ANKS1B: variants seen among roughly 807,000 people sequenced by gnomAD.
The protein encoded by ANKS1B is ankyrin repeat and sterile alpha motif domain containing 1B.
A neutral mutation model predicts 148.3 loss-of-function variants in ANKS1B; 36 were observed. The ratio of observed to expected loss-of-function variants is 0.24; its 90% CI spans 0.19 to 0.32. ANKS1B has a LOEUF of 0.32. Ranked by LOEUF, ANKS1B falls within the 10% of genes least tolerant of loss-of-function variation. ANKS1B has a pLI of 1.00. For missense variants in ANKS1B, 1,157 were observed against 1,542.6 expected, an observed-to-expected ratio of 0.75 and a Z score of 4.19; for synonymous variants, 542 against 560.8, an observed-to-expected ratio of 0.97 and a Z score of 0.47.
chr12:99,926,501 T>C (rs1396940139), intron 1 of ANKS1B, among the ~76,000 whole-genome samples: 4 of 152,230 alleles, frequency 2.6e-5, no homozygotes, highest in Non-Finnish European at 4.4e-5. Context: ...AGTTTTTTCC[T>C]GCCTTCTGAC....
At chr12:99,873,168 T>C (rs1455530832) in intron 1 of ANKS1B, among the ~76,000 whole-genome samples, 1 of 152,160 alleles carries the variant, frequency 6.6e-6, no homozygotes, top group East Asian at 1.9e-4. Context: ...ATTATTATTA[T>C]CACCATCATT....
chr12:99,760,740 A>T (rs2062011776), intron 8 of ANKS1B, among the ~76,000 whole-genome samples: 1 of 151,694 alleles, frequency 6.6e-6, no homozygotes, highest in East Asian at 1.9e-4. Context: ...TCATACAAAA[A>T]AATCTATAAA....
intron 17 of ANKS1B, among the ~76,000 whole-genome samples, chr12:98,895,934 T>G (rs2099764041): frequency 6.6e-6 from 1 of 152,218 alleles, no homozygotes; most frequent in Admixed American, 6.5e-5. Context: ...TACAGGCTGC[T>G]TAATACCACA....
chr12:99,386,250 C>A (rs923879255), intron 12 of ANKS1B: 1 of 152,160 alleles, frequency 6.6e-6, no homozygotes, highest in African/African-American at 2.4e-5. Flanking sequence ...AACTATGCTA[C>A]GGAAAACTCA....
At chr12:99,964,324 A>C (rs2095457547) in intron 1 of ANKS1B, among the ~76,000 whole-genome samples, 1 of 152,224 alleles carries the variant, frequency 6.6e-6, no homozygotes, top group Non-Finnish European at 1.5e-5. Context: ...CTGACTTTGA[A>C]AGAGATATTA....
At chr12:99,168,187 G>A (rs977506174) in intron 14 of ANKS1B, among the ~76,000 whole-genome samples, 25 of 152,256 alleles carry the variant, frequency 1.6e-4, no homozygotes, top group African/African-American at 2.6e-4. Context: ...AATATATGCC[G>A]TTTGTTGTAG....
chr12:99,903,748 AG>A (rs113265979), intron 1 of ANKS1B, among the ~76,000 whole-genome samples: 2 of 151,594 alleles, frequency 1.3e-5, no homozygotes, highest in African/African-American at 4.9e-5. Flanking sequence ...GAAAAATGGG[AG>A]GGGGGGAGAG....
intron 12 of ANKS1B, among the ~76,000 whole-genome samples, chr12:99,370,456 T>C (rs919850903): frequency 3.9e-5 from 6 of 152,090 alleles, no homozygotes; most frequent in Non-Finnish European, 8.8e-5. Flanking sequence ...AGAAAGCAGC[T>C]AGAAACCCAA....
intron 12 of ANKS1B, among the ~76,000 whole-genome samples, chr12:99,339,108 A>G (rs1363287635): frequency 6.6e-6 from 1 of 152,140 alleles, no homozygotes; most frequent in Non-Finnish European, 1.5e-5. Flanking sequence ...CCCAGGAATT[A>G]CAGTCCTTGT....
chr12:99,440,957 GAACA>G (rs2095540510), intron 11 of ANKS1B, among the ~76,000 whole-genome samples: 1 of 151,810 alleles, frequency 6.6e-6, no homozygotes, highest in Non-Finnish European at 1.5e-5. Flanking sequence ...ATAAAAGACT[GAACA>G]CATCAGCTAA....
chr12:99,289,579 C>T (rs919643977), intron 12 of ANKS1B, among the ~76,000 whole-genome samples: 1 of 151,876 alleles, frequency 6.6e-6, no homozygotes, highest in Non-Finnish European at 1.5e-5. Context: ...TCTTCTCTGA[C>T]CACAATGGAA....
rs923561135 is a variant in ANKS1B, at chr12:99,946,287, A to G, written c.134+37817T>C. 7.2e-5 allele frequency among the ~76,000 whole-genome samples: 11 copies of G among 152,164 alleles called. No individual in the cohort carries two copies. The East Asian group carries it at 2.1e-3, about 29-fold the overall frequency. The stretch of plus-strand genomic sequence containing the variant: ...GCTAGATCAGTGACCTTTATCAGAT[A>G]TGTAAGCCTTGCACAAAATACCATA... On this transcript the variant is annotated intron_variant, in intron 1 of 26. Transcript: ENST00000683438.
intron 9 of ANKS1B, among the ~76,000 whole-genome samples, chr12:99,532,446 C>T (rs190342843): frequency 1.3e-5 from 2 of 152,232 alleles, no homozygotes; most frequent in East Asian, 3.9e-4. Flanking sequence ...CTGCAAGCTC[C>T]GCCTCCCAGG....
At chr12:99,552,042 G>C (rs1316092456) in intron 9 of ANKS1B, among the ~76,000 whole-genome samples, 1 of 152,082 alleles carries the variant, frequency 6.6e-6, no homozygotes, top group Non-Finnish European at 1.5e-5. Flanking sequence ...TATGTACCAA[G>C]AACACTGTTC....
chr12:98,940,667 C>T (rs1226871852), intron 17 of ANKS1B, among the ~76,000 whole-genome samples: 1 of 152,026 alleles, frequency 6.6e-6, no homozygotes, highest in Non-Finnish European at 1.5e-5. Flanking sequence ...TTTTTGTATT[C>T]TTATGCAGGA....
rs1041582255 is a variant in ANKS1B at position 99,671,302 on chromosome 12, C to T, written c.1129-16092G>A. Among the ~76,000 whole-genome samples, 33 of 152,168 alleles carry T rather than the reference C, an allele frequency of 2.2e-4. 1 individual carries two copies. Among genetic ancestry groups the T allele is most frequent in the African/African-American group, 7.7e-4 (32 of 41,528 alleles). Reference sequence around the variant, plus strand: ...CTTAGATGACTATAAAATAGAAATGCTTTCAGTGCTGATGTTTACGTAAAT... The same window carrying T: ...CTTAGATGACTATAAAATAGAAATGTTTTCAGTGCTGATGTTTACGTAAAT... On this transcript the variant is annotated intron_variant, in intron 8 of 26. Coordinates refer to ENST00000683438, the MANE Select transcript of ANKS1B (RefSeq NM_001352186.2).
intron 9 of ANKS1B, among the ~76,000 whole-genome samples, chr12:99,564,370 AATTG>A (rs1344275452): frequency 6.6e-6 from 1 of 152,048 alleles, no homozygotes; most frequent in African/African-American, 2.4e-5. Flanking sequence ...AGACGCCCAA[AATTG>A]ATTGCTCAGT....
intron 8 of ANKS1B, among the ~76,000 whole-genome samples, chr12:99,760,984 G>T (rs1419192321): frequency 7.3e-6 from 1 of 137,662 alleles, no homozygotes; most frequent in Admixed American, 8.1e-5. Flanking sequence ...ATATCCCAGG[G>T]TTAAATCAGG....
chr12:99,197,263 A>G (rs2081499096), intron 14 of ANKS1B, among the ~76,000 whole-genome samples: 1 of 152,126 alleles, frequency 6.6e-6, no homozygotes, highest in African/African-American at 2.4e-5. Context: ...AAAACCAAAT[A>G]TCCTTTATAA....
Sources: gnomAD v4.1 joint callset for allele counts (sites outside exome capture counted in the v4.1 genomes callset) on GRCh38, gnomAD v4.1.1 for gene constraint, MANE v1.5 for transcripts, NCBI Gene and HGNC (gene_info 2026-07-23, HGNC 2026-07-21) for gene names.